Variants in RASGRP3 observed in about 807,000 individuals in gnomAD.
RASGRP3 encodes RAS guanyl releasing protein 3, also known as ras guanyl-releasing protein 3.
A neutral mutation model predicts 82.7 loss-of-function variants in RASGRP3; 54 were observed. That is an observed-to-expected ratio of 0.65 (90% CI 0.52 to 0.82). The LOEUF (loss-of-function observed/expected upper bound fraction) is 0.82, where lower values mean the gene tolerates loss of function less well. RASGRP3 is among the 40% of genes least tolerant of loss of function. The probability of loss-of-function intolerance (pLI) is 0.00; values close to 1 mark genes in which losing one functional copy is unlikely to be tolerated. For synonymous variants in RASGRP3, 309 were observed against 300.5 expected (o/e 1.03, Z -0.29); for missense variants, 861 against 828.9 (o/e 1.04, Z -0.48).
At chr2:33,519,460 C>G (rs969073136) in intron 4 of RASGRP3, among the ~76,000 whole-genome samples, 1 of 152,024 alleles carries the variant, frequency 6.6e-6, no homozygotes, top group Non-Finnish European at 1.5e-5. Context: ...ACTAAAAATA[C>G]AAAAAATTAG....
rs754485926 is a variant in RASGRP3 at position 33,539,079 on chromosome 2, T to C, written c.1162-15T>C. The C allele has an allele frequency of 7.2e-6, 11 of 1,524,834 alleles. No homozygotes were observed. Among genetic ancestry groups the C allele is most frequent in the Non-Finnish European group, 9.8e-6 (11 of 1,126,136 alleles). The allele number at this position is 1,524,834 out of a possible 1,614,324, so 94.5% of individuals were successfully genotyped here. ...ATAAAGTTGAAAAATATGTGGTTTT[T>C]TTTTTGTTTATCAGCAGCCTACCTC... On this transcript the variant is annotated splice_polypyrimidine_tract_variant and intron_variant, in intron 11 of 17. Coordinates refer to ENST00000403687, the MANE Select transcript of RASGRP3 (RefSeq NM_001139488.2).
intron 1 of RASGRP3, among the ~76,000 whole-genome samples, chr2:33,437,648 G>A (rs1247411705): frequency 5.3e-5 from 8 of 152,188 alleles, no homozygotes; most frequent in Admixed American, 1.3e-4. Flanking sequence ...AGCTAGAACC[G>A]GCACAGGAGG....
intron 12 of RASGRP3, 126 bp downstream of exon 12, chr2:33,539,336 T>C (rs777302821): frequency 8.2e-6 from 6 of 729,854 alleles, no homozygotes; most frequent in Non-Finnish European, 1.2e-5. Flanking sequence ...AGGAACAATT[T>C]AGCAGGCACT....
chr2:33,536,392 C>T lies in RASGRP3; in HGVS notation c.1161+1992C>T, dbSNP rs147081101. 5.2e-3 allele frequency among the ~76,000 whole-genome samples: 792 copies of T among 151,172 alleles called. 5 individuals are homozygous for T. Among genetic ancestry groups the T allele is most frequent in the South Asian group, 0.037 (178 of 4,780 alleles). On this transcript the variant is annotated intron_variant, in intron 11 of 17. Coordinates refer to ENST00000403687, the MANE Select transcript of RASGRP3 (RefSeq NM_001139488.2). ...GTCTGGTGAGAGTAGGTATCTCACT[C>T]GGATCAAACAGCTGCTAAGTTGGAG...
At chr2:33,545,212 G>A (rs554066526) in intron 13 of RASGRP3, among the ~76,000 whole-genome samples, 1 of 152,248 alleles carries the variant, frequency 6.6e-6, no homozygotes, top group South Asian at 2.1e-4. Context: ...GATATCTATA[G>A]AATTGTTTTC....
chr2:33,515,327 T>G, intron 3 of RASGRP3, 121 bp downstream of exon 3: 1 of 981,734 alleles, frequency 1.0e-6, no homozygotes, highest in Non-Finnish European at 1.6e-6. Context: ...TTAAGGCCTT[T>G]CGGATGGACC....
At chr2:33,559,640 A>C (rs775212323) in intron 17 of RASGRP3, 6 of 518,628 alleles carry the variant, frequency 1.2e-5, no homozygotes, top group Non-Finnish European at 1.9e-5. Flanking sequence ...ATGGAGTTAG[A>C]TAAATTTATT....
intron 14 of RASGRP3, 158 bp from the exon 15 acceptor site, chr2:33,555,373 G>T (rs529289272): frequency 3.8e-6 from 2 of 524,568 alleles, no homozygotes; most frequent in South Asian, 5.8e-5. Flanking sequence ...GGGGCCGGGA[G>T]AGGGTTCTTC....
At chr2:33,543,038 A>T (rs1261308963) in intron 12 of RASGRP3, among the ~76,000 whole-genome samples, 2 of 151,952 alleles carry the variant, frequency 1.3e-5, no homozygotes, top group African/African-American at 4.8e-5. Flanking sequence ...TTTAGAGATG[A>T]TGCCTTACTC....
In RASGRP3 at chr2:33,548,381, A is replaced by AAAAG. The variant is rs764069871; in HGVS notation, c.1395-1221_1395-1220insAGAA. 3.1e-3 allele frequency among the ~76,000 whole-genome samples: 392 copies of AAAAG among 127,944 alleles called. 4 individuals are homozygous for AAAAG. Among genetic ancestry groups the AAAAG allele is most frequent in the African/African-American group, 6.4e-3 (205 of 32,200 alleles). 83.9% of individuals were successfully genotyped at this position (127,944 alleles called of 152,430 possible). ...GTCTCAAAAAAAAAAAAAAAAAAAA[A>AAAAG]AAGAAGGTAGAAAGAAAAGACATCT... On this transcript the variant is annotated intron_variant, in intron 13 of 17. Transcript: ENST00000403687.
chr2:33,481,527 G>A (rs370895029), intron 1 of RASGRP3: 4 of 152,100 alleles, frequency 2.6e-5, no homozygotes, highest in Non-Finnish European at 5.9e-5. Flanking sequence ...TACACAATCT[G>A]TGGAATTATC....
chr2:33,473,499 C>T (rs1486254994), upstream of RASGRP3, among the ~76,000 whole-genome samples: 8 of 152,122 alleles, frequency 5.3e-5, no homozygotes, highest in African/African-American at 7.2e-5. Context: ...TGGTTGTTGT[C>T]GAGAGTCCTA....
At position 33,563,215 on chromosome 2, in the gene RASGRP3, T is replaced by C. The variant is rs1293345207; in HGVS notation, c.*478T>C. On this transcript the variant is annotated 3_prime_UTR_variant, in exon 18 of 18. Transcript: ENST00000403687. ...ATTTTTTGTTTTTCTTGTTTTGTTT[T>C]GTTTTGTTTTGTTCTTCTTGGTGTG... 1 of 155,104 alleles carries C rather than the reference T, an allele frequency of 6.4e-6. No individual in the cohort carries two copies. The highest frequency in any genetic ancestry group is 1.4e-5 in the Non-Finnish European group (1 of 70,304). The allele number at this position is 155,104 out of a possible 1,614,324, so 9.6% of individuals were successfully genotyped here.
intron 2 of RASGRP3, among the ~76,000 whole-genome samples, chr2:33,467,721 A>G (rs1408181754): frequency 6.6e-6 from 1 of 152,182 alleles, no homozygotes; most frequent in East Asian, 1.9e-4. Flanking sequence ...TAGCAGGGGA[A>G]GTTGTACTAT....
intron 1 of RASGRP3, among the ~76,000 whole-genome samples, chr2:33,498,713 C>A (rs999277221): frequency 6.6e-6 from 1 of 152,152 alleles, no homozygotes; most frequent in African/African-American, 2.4e-5. Flanking sequence ...CTGCCCAGTG[C>A]ATCCCTGCTT....
At chr2:33,467,978 CTTTTT>C (rs1666800186) in intron 2 of RASGRP3, among the ~76,000 whole-genome samples, 2 of 140,812 alleles carry the variant, frequency 1.4e-5, no homozygotes, top group Non-Finnish European at 3.1e-5. Flanking sequence ...GATGGTGAGG[CTTTTT>C]CTTTCTTTCT....
At chr2:33,443,944 T>A (rs1245423711) in intron 1 of RASGRP3, among the ~76,000 whole-genome samples, 1 of 152,108 alleles carries the variant, frequency 6.6e-6, no homozygotes, top group Non-Finnish European at 1.5e-5. Context: ...ACATAGTTCA[T>A]TTTACATTTC....
At chr2:33,451,700 A>C (rs1367126543) in intron 2 of RASGRP3, among the ~76,000 whole-genome samples, 1 of 151,890 alleles carries the variant, frequency 6.6e-6, no homozygotes, top group Non-Finnish European at 1.5e-5. Flanking sequence ...CTTGGTGAAG[A>C]TCTCTGTATT....
chr2:33,521,830 A>T, intron 6 of RASGRP3, 125 bp from the exon 7 acceptor site: 1 of 1,130,824 alleles, frequency 8.8e-7, no homozygotes, highest in Non-Finnish European at 1.2e-6. Context: ...AATATGAAAG[A>T]CAGGGCATGT....
Sources: allele counts gnomAD v4.1 joint callset (sites outside exome capture counted in the v4.1 genomes callset), GRCh38; gene constraint gnomAD v4.1.1; transcripts MANE v1.5; gene names NCBI Gene and HGNC (gene_info 2026-07-23, HGNC 2026-07-21).